Variants in NDST4 observed in about 807,000 individuals in gnomAD.
NDST4 encodes the protein N-heparan sulfate sulfotransferase 4.
NDST4 carries 63 observed loss-of-function variants against 100.8 expected under a neutral mutation model. The ratio of observed to expected loss-of-function variants is 0.62; its 90% CI spans 0.51 to 0.77. The LOEUF is 0.77. NDST4 is among the 30% of genes least tolerant of loss of function. The probability of loss-of-function intolerance (pLI) is 0.00; values close to 1 mark genes in which losing one functional copy is unlikely to be tolerated. For synonymous variants in NDST4, 377 were observed against 361.8 expected, an observed-to-expected ratio of 1.04 and a Z score of -0.48; for missense variants, 943 against 1,018.4, an observed-to-expected ratio of 0.93 and a Z score of 1.01.
At chr4:115,103,383 A>G (rs1729774119) in intron 1 of NDST4, among the ~76,000 whole-genome samples, 2 of 152,170 alleles carry the variant, frequency 1.3e-5, no homozygotes, top group South Asian at 4.1e-4. Context: ...TTTTAAATTA[A>G]TTATAAATCT....
At chr4:115,070,583 A>G (rs1378812594) in intron 2 of NDST4, among the ~76,000 whole-genome samples, 3 of 152,188 alleles carry the variant, frequency 2.0e-5, no homozygotes, top group African/African-American at 7.2e-5. Flanking sequence ...GTTTTTAGGT[A>G]TACAGTTAAA....
intron 6 of NDST4, among the ~76,000 whole-genome samples, chr4:114,886,489 T>C (rs1724480668): frequency 6.6e-6 from 1 of 152,118 alleles, no homozygotes; most frequent in Non-Finnish European, 1.5e-5. Context: ...TGTGGAAATA[T>C]CAAATTGCCA....
At chr4:115,045,573 T>C (rs763150622) in intron 2 of NDST4, among the ~76,000 whole-genome samples, 1 of 152,126 alleles carries the variant, frequency 6.6e-6, no homozygotes, top group Non-Finnish European at 1.5e-5. Flanking sequence ...CTTGCTATTG[T>C]TGAATGCCTG....
At chr4:115,033,278 G>A (rs1728162043) in intron 2 of NDST4, among the ~76,000 whole-genome samples, 1 of 150,334 alleles carries the variant, frequency 6.7e-6, no homozygotes, top group South Asian at 2.1e-4. Flanking sequence ...CGAGTAGCGA[G>A]GACTAAAGGC....
chr4:115,026,523 T>C (rs1030921470), intron 2 of NDST4, among the ~76,000 whole-genome samples: 3 of 152,118 alleles, frequency 2.0e-5, no homozygotes, highest in Admixed American at 1.3e-4. Context: ...GTGTATAATT[T>C]AATTTTCAAA....
At chr4:115,037,672 A>T (rs1728263016) in intron 2 of NDST4, among the ~76,000 whole-genome samples, 1 of 152,162 alleles carries the variant, frequency 6.6e-6, no homozygotes, top group African/African-American at 2.4e-5. Flanking sequence ...CAATTTTTTT[A>T]AATTAATGAC....
At chr4:114,839,864 A>C (rs114017549) in intron 10 of NDST4, among the ~76,000 whole-genome samples, 1,715 of 152,256 alleles carry the variant, frequency 0.011, 42 homozygotes, top group African/African-American at 0.039. Context: ...TTTATGTCTA[A>C]AGTGGTTAGG....
intron 2 of NDST4, among the ~76,000 whole-genome samples, chr4:114,988,669 T>TA (rs1726969039): frequency 6.6e-6 from 1 of 152,026 alleles, no homozygotes; most frequent in African/African-American, 2.4e-5. Flanking sequence ...CCTACATACG[T>TA]CTTTAAATGT....
rs546149508 is a variant in NDST4 at position 114,953,032 on chromosome 4, C to CT, written c.1222-15530dup. 9.3e-3 allele frequency among the ~76,000 whole-genome samples: 1,149 copies of CT among 123,314 alleles called. 8 individuals carry two copies. The highest frequency in any genetic ancestry group is 0.025 in the African/African-American group (828 of 32,606). The allele number at this position is 123,314 out of a possible 152,430, so 80.9% of individuals were successfully genotyped here. A position where few individuals can be genotyped will look rare whatever the true frequency, so the allele number is the denominator to read the frequency against. On this transcript the variant is annotated intron_variant, in intron 4 of 13. Coordinates refer to ENST00000264363, the MANE Select transcript of NDST4 (RefSeq NM_022569.3). ...GCTCATTTTTTTTCTTTTTTTTTTT[C>CT]TTTTTTTTTTTTTGTGGGAAGGCCT...
intron 12 of NDST4, among the ~76,000 whole-genome samples, chr4:114,833,183 A>G (rs1723238454): frequency 6.6e-6 from 1 of 152,242 alleles, no homozygotes; most frequent in South Asian, 2.1e-4. Context: ...ATAATTTAAT[A>G]AATACATAAT....
At chr4:115,004,708 T>G (rs1485083032) in intron 2 of NDST4, among the ~76,000 whole-genome samples, 1 of 152,206 alleles carries the variant, frequency 6.6e-6, no homozygotes, top group South Asian at 2.1e-4. Flanking sequence ...ATAACAGGTG[T>G]ATTAGTCCAG....
chr4:114,986,718 C>T (rs1381878737), intron 2 of NDST4, among the ~76,000 whole-genome samples: 1 of 147,270 alleles, frequency 6.8e-6, no homozygotes, highest in African/African-American at 2.5e-5. Context: ...CATTATGACC[C>T]TTCAAATGGT....
At chr4:114,890,383 A>G (rs1724567972) in intron 6 of NDST4, among the ~76,000 whole-genome samples, 1 of 152,166 alleles carries the variant, frequency 6.6e-6, no homozygotes, top group Non-Finnish European at 1.5e-5. Flanking sequence ...GGTCAAGGGC[A>G]TGTTATTAAA....
intron 2 of NDST4, among the ~76,000 whole-genome samples, chr4:115,055,546 TA>T (rs1259944939): frequency 6.6e-6 from 1 of 152,192 alleles, no homozygotes; most frequent in Non-Finnish European, 1.5e-5. Flanking sequence ...GATAGCAAAC[TA>T]AGTGAAAGCA....
intron 6 of NDST4, among the ~76,000 whole-genome samples, chr4:114,899,313 G>A (rs1428942572): frequency 6.6e-6 from 1 of 152,094 alleles, no homozygotes; most frequent in African/African-American, 2.4e-5. Flanking sequence ...GAGTAGCTGG[G>A]ACTACAGGCC....
At chr4:114,932,576 A>G (rs534612756) in intron 6 of NDST4, among the ~76,000 whole-genome samples, 197 of 152,168 alleles carry the variant, frequency 1.3e-3, no homozygotes, top group Admixed American at 2.1e-3. Flanking sequence ...TGCAGATAAC[A>G]TGCTCTTTTA....
intron 3 of NDST4, among the ~76,000 whole-genome samples, chr4:114,975,495 A>C (rs1726612770): frequency 4.6e-5 from 7 of 151,988 alleles, no homozygotes; most frequent in Admixed American, 1.3e-4. Flanking sequence ...TTCAATAACT[A>C]TTTCTGTGAT....
intron 4 of NDST4, among the ~76,000 whole-genome samples, chr4:114,955,592 A>G (rs961780532): frequency 3.9e-5 from 6 of 152,232 alleles, no homozygotes; most frequent in African/African-American, 1.4e-4. Flanking sequence ...TAAATTAGTC[A>G]AGAAAGAATA....
chr4:114,904,967 A>C (rs1724919222), intron 6 of NDST4, among the ~76,000 whole-genome samples: 1 of 151,912 alleles, frequency 6.6e-6, no homozygotes, highest in African/African-American at 2.4e-5. Context: ...TTGAGTTAAA[A>C]ATTTTTACAT....
Sources: gnomAD v4.1 joint callset for allele counts (sites outside exome capture counted in the v4.1 genomes callset) on GRCh38, gnomAD v4.1.1 for gene constraint, MANE v1.5 for transcripts, NCBI Gene and HGNC (gene_info 2026-07-23, HGNC 2026-07-21) for gene names.